Variants in RNF17 observed in about 807,000 individuals in gnomAD.
The protein encoded by RNF17 is ring finger protein 17.
In RNF17, 31 loss-of-function variants were observed where a neutral mutation model predicts 200.5. The ratio of observed to expected loss-of-function variants is 0.15; its 90% CI spans 0.12 to 0.21. The LOEUF (loss-of-function observed/expected upper bound fraction) is 0.21, where lower values mean the gene tolerates loss of function less well. RNF17 is among the 10% of genes least tolerant of loss of function. The pLI, the probability that RNF17 is intolerant of heterozygous loss-of-function variation, is 1.00. For synonymous variants in RNF17, 606 were observed against 637.8 expected (o/e 0.95, Z 0.75); for missense variants, 1,628 against 1,905.1 (o/e 0.85, Z 2.71).
At chr13:24,867,107 T>C (rs778309074) in intron 30 of RNF17, among the ~76,000 whole-genome samples, 1 of 152,264 alleles carries the variant, frequency 6.6e-6, no homozygotes, top group Non-Finnish European at 1.5e-5. Flanking sequence ...TTTATCTTTT[T>C]ATTGTTGAGC....
intron 15 of RNF17, among the ~76,000 whole-genome samples, chr13:24,805,629 T>A (rs1422970713): frequency 1.3e-5 from 2 of 152,230 alleles, no homozygotes; most frequent in Non-Finnish European, 2.9e-5. Context: ...TTTCCACCTT[T>A]TGGCCTATGT....
At chr13:24,764,879 A>G (rs1593191872) in intron 1 of RNF17, among the ~76,000 whole-genome samples, 1 of 133,122 alleles carries the variant, frequency 7.5e-6, no homozygotes, top group South Asian at 2.5e-4. Flanking sequence ...TCTTTTGTGC[A>G]CCTTGTGGGG....
chr13:24,884,035 G>T, downstream of RNF17: 1 of 1,613,958 alleles, frequency 6.2e-7, no homozygotes, highest in Non-Finnish European at 8.5e-7. Flanking sequence ...GTTTTTAACA[G>T]TCTGGTCAGG....
intron 5 of RNF17, among the ~76,000 whole-genome samples, chr13:24,780,926 C>G (rs944030178): frequency 3.9e-5 from 6 of 151,998 alleles, no homozygotes; most frequent in Admixed American, 2.6e-4. Context: ...ATCTCACCTT[C>G]TAAGTTAGGT....
chr13:24,828,508 A>G (rs371105365), intron 16 of RNF17, among the ~76,000 whole-genome samples: 3 of 152,060 alleles, frequency 2.0e-5, no homozygotes, highest in East Asian at 3.9e-4. Flanking sequence ...TTCTTCTAAT[A>G]TGTAATACTT....
At chr13:24,883,944 G>T (rs750687933), downstream of RNF17, 2 of 1,613,940 alleles carry the variant, frequency 1.2e-6, no homozygotes, top group Admixed American at 1.7e-5. Context: ...GTTTTTCTGT[G>T]AACATAATGT....
intron 3 of RNF17, among the ~76,000 whole-genome samples, chr13:24,775,773 A>C (rs1881479377): frequency 6.6e-6 from 1 of 152,118 alleles, no homozygotes; most frequent in African/African-American, 2.4e-5. Flanking sequence ...TATCTATGTT[A>C]CTGACTATTT....
chr13:24,796,599 A>G (rs1183904961), intron 11 of RNF17, among the ~76,000 whole-genome samples: 7 of 152,138 alleles, frequency 4.6e-5, no homozygotes, highest in Admixed American at 4.6e-4. Flanking sequence ...GTCTCCATGA[A>G]GAACTGTGCC....
At chr13:24,844,009 C>T (rs775671492) in intron 20 of RNF17, 38 bp downstream of exon 20, 9 of 609,496 alleles carry the variant, frequency 1.5e-5, no homozygotes, top group Non-Finnish European at 2.0e-5. Flanking sequence ...GAAAATATTG[C>T]ATATGATTTT....
At chr13:24,861,190 C>T in intron 26 of RNF17, 78 bp from the exon 27 acceptor site, 2 of 1,268,528 alleles carry the variant, frequency 1.6e-6, no homozygotes, top group East Asian at 2.7e-5. Flanking sequence ...GTCTTTTTTT[C>T]TAATAACAGG....
intron 2 of RNF17, among the ~76,000 whole-genome samples, chr13:24,774,199 AT>A (rs67201563): frequency 1.4e-3 from 203 of 149,792 alleles, no homozygotes; most frequent in Non-Finnish European, 2.2e-3. Flanking sequence ...ATATGTTACT[AT>A]TTTTTTTTTC....
chr13:24,882,105 TATATAG>T (rs372546472), downstream of RNF17, among the ~76,000 whole-genome samples: 7 of 11,254 alleles, frequency 6.2e-4, 1 homozygote, highest in Admixed American at 8.7e-3. Flanking sequence ...TAGATACATC[TATATAG>T]ATATATAGAT....
At chr13:24,812,224 G>A (rs1453737200) in intron 15 of RNF17, among the ~76,000 whole-genome samples, 7 of 151,364 alleles carry the variant, frequency 4.6e-5, no homozygotes, top group African/African-American at 1.7e-4. Flanking sequence ...GGCAATGGCG[G>A]GCGCCCCTCC....
chr13:24,750,677 ATACT>A, the RNF17 span: 2 of 152,192 alleles, frequency 1.3e-5, no homozygotes, highest in Non-Finnish European at 1.5e-5. Flanking sequence ...ATTTTTCTTG[ATACT>A]TACTTCGCCT....
chr13:24,779,898 C>G (rs967686603), intron 5 of RNF17, 151 bp downstream of exon 5: 5 of 542,956 alleles, frequency 9.2e-6, no homozygotes, highest in African/African-American at 1.9e-5. Flanking sequence ...TTTCCCATAG[C>G]CTGCCAAGAT....
At chr13:24,830,023 A>T (rs1222291047) in intron 16 of RNF17, among the ~76,000 whole-genome samples, 1 of 152,242 alleles carries the variant, frequency 6.6e-6, no homozygotes, top group Admixed American at 6.5e-5. Flanking sequence ...CTCCAAAAAC[A>T]TCTCATGAAG....
intron 9 of RNF17, among the ~76,000 whole-genome samples, chr13:24,792,743 T>C (rs973275851): frequency 6.6e-6 from 1 of 152,216 alleles, no homozygotes; most frequent in Non-Finnish European, 1.5e-5. Context: ...CACTGATCTG[T>C]GAAGAAGCTA....
chr13:24,821,566 A>C (rs1196948648), intron 15 of RNF17, among the ~76,000 whole-genome samples: 2 of 151,882 alleles, frequency 1.3e-5, no homozygotes, highest in African/African-American at 4.8e-5. Flanking sequence ...CTCGATATTT[A>C]AATTTTCCTA....
chr13:24,885,288 A>G, the RNF17 span: 4 of 1,599,390 alleles, frequency 2.5e-6, no homozygotes, highest in Non-Finnish European at 3.4e-6. Context: ...TTCCATCAGG[A>G]TGACTGATTT....
Sources: allele counts gnomAD v4.1 joint callset (sites outside exome capture counted in the v4.1 genomes callset), GRCh38; gene constraint gnomAD v4.1.1; transcripts MANE v1.5; gene names NCBI Gene and HGNC (gene_info 2026-07-23, HGNC 2026-07-21).